The following WWC1 variants were observed in gnomAD, a reference collection of about 807,000 sequenced individuals.
WWC1 encodes the protein protein KIBRA.
In WWC1, 55 loss-of-function variants were observed where a neutral mutation model predicts 138.4. The ratio of observed to expected loss-of-function variants is 0.40; its 90% CI spans 0.32 to 0.50. WWC1 has a LOEUF of 0.50. Ranked by LOEUF, WWC1 falls within the 20% of genes least tolerant of loss-of-function variation. The pLI, the probability that WWC1 is intolerant of heterozygous loss-of-function variation, is 0.72. For synonymous variants in WWC1, 524 were observed against 564.9 expected, an observed-to-expected ratio of 0.93 and a Z score of 1.03; for missense variants, 1,226 against 1,420.4, an observed-to-expected ratio of 0.86 and a Z score of 2.20.
intron 1 of WWC1, among the ~76,000 whole-genome samples, chr5:168,340,277 C>T (rs548332418): frequency 1.1e-4 from 16 of 152,174 alleles, no homozygotes; most frequent in Admixed American, 2.6e-4. Flanking sequence ...AGTTTCCTCA[C>T]GTTGGCCAGG....
intron 20 of WWC1, among the ~76,000 whole-genome samples, chr5:168,462,124 G>T (rs12518302): frequency 0.12 from 18,757 of 152,030 alleles, 1,971 homozygotes; most frequent in East Asian, 0.27. Context: ...AAAAGATAGT[G>T]CCAATAGCCC....
At chr5:168,405,291 A>T (rs1186501058) in intron 5 of WWC1, among the ~76,000 whole-genome samples, 2 of 152,212 alleles carry the variant, frequency 1.3e-5, no homozygotes, top group Non-Finnish European at 2.9e-5. Flanking sequence ...AAGGGACATT[A>T]GGTAATACAT....
chr5:168,443,028 G>T (rs532947375), intron 16 of WWC1, among the ~76,000 whole-genome samples: 1 of 152,066 alleles, frequency 6.6e-6, no homozygotes, highest in East Asian at 1.9e-4. Context: ...AGTGAAGTTA[G>T]TCTTACATAT....
intron 1 of WWC1, among the ~76,000 whole-genome samples, chr5:168,326,691 C>T (rs1052695226): frequency 1.4e-4 from 21 of 151,726 alleles, no homozygotes; most frequent in African/African-American, 4.4e-4. Context: ...ATTACAGGCA[C>T]GCGCCACCAT....
intron 1 of WWC1, among the ~76,000 whole-genome samples, chr5:168,297,250 A>G (rs1769616755): frequency 1.3e-5 from 2 of 152,328 alleles, no homozygotes; most frequent in South Asian, 4.1e-4. Context: ...AGCAGCATCA[A>G]ATGGATGCTG....
At chr5:168,386,543 C>T (rs1468002985) in intron 3 of WWC1, among the ~76,000 whole-genome samples, 1 of 151,900 alleles carries the variant, frequency 6.6e-6, no homozygotes, top group African/African-American at 2.4e-5. Flanking sequence ...CAGGCGCCCG[C>T]CACCACGCCC....
At chr5:168,408,802 T>C (rs998551180) in intron 7 of WWC1, 149 bp downstream of exon 7, 5 of 1,120,134 alleles carry the variant, frequency 4.5e-6, no homozygotes, top group Middle Eastern at 2.7e-4. Flanking sequence ...TCTGGAGCTC[T>C]GTTCTCTTAC....
At chr5:168,317,585 T>A (rs1771717305) in intron 1 of WWC1, among the ~76,000 whole-genome samples, 1 of 152,190 alleles carries the variant, frequency 6.6e-6, no homozygotes, top group Non-Finnish European at 1.5e-5. Flanking sequence ...CAAGGCATCC[T>A]GTCCTATTTC....
intron 9 of WWC1, chr5:168,415,805 G>GTT (rs1780576226): frequency 2.0e-5 from 1 of 50,280 alleles, no homozygotes; most frequent in Admixed American, 2.0e-4. Flanking sequence ...GTGTGGGGGG[G>GTT]GGGGGGGGGC....
At chr5:168,349,155 G>A (rs1049355935) in intron 1 of WWC1, among the ~76,000 whole-genome samples, 1 of 152,098 alleles carries the variant, frequency 6.6e-6, no homozygotes, top group African/African-American at 2.4e-5. Context: ...ACAATGAGAT[G>A]ACCAGACACA....
chr5:168,297,883 G>A (rs562394139), intron 1 of WWC1, among the ~76,000 whole-genome samples: 70 of 152,178 alleles, frequency 4.6e-4, no homozygotes, highest in African/African-American at 1.5e-3. Context: ...TTCATCGTGC[G>A]TCACAATCAT....
At chr5:168,399,628 C>A in intron 5 of WWC1, 61 bp downstream of exon 5, 3 of 1,514,006 alleles carry the variant, frequency 2.0e-6, no homozygotes, top group Non-Finnish European at 2.7e-6. Context: ...CCCCTCCTGT[C>A]CTCTCTGTCT....
At chr5:168,335,037 C>A (rs563616012) in intron 1 of WWC1, among the ~76,000 whole-genome samples, 1 of 151,862 alleles carries the variant, frequency 6.6e-6, no homozygotes, top group African/African-American at 2.4e-5. Context: ...ATTTTTTTCC[C>A]CTCTAAAAAA....
In WWC1 at chr5:168,389,710, C is replaced by A. The variant is rs560132574; in HGVS notation, c.433+4296C>A. 1.9e-4 allele frequency among the ~76,000 whole-genome samples: 29 copies of A among 149,860 alleles called. No homozygotes were observed. In the South Asian group the frequency reaches 2.3e-3, roughly 12 times the overall value. Reference sequence around the variant, plus strand: ...TTCTCTACCGACTGAACCAGTTGGGCAGAAATGTTAATAGTACCTTCATCT... The same window carrying A: ...TTCTCTACCGACTGAACCAGTTGGGAAGAAATGTTAATAGTACCTTCATCT... On this transcript the variant is annotated intron_variant, in intron 3 of 22. Transcript: ENST00000265293.
At chr5:168,456,442 G>A (rs944101453) in intron 19 of WWC1, among the ~76,000 whole-genome samples, 4 of 152,138 alleles carry the variant, frequency 2.6e-5, no homozygotes, top group African/African-American at 9.7e-5. Context: ...AGACCAGCCT[G>A]GCCCACATGG....
chr5:168,466,076 T>C (rs1446676686), intron 21 of WWC1, among the ~76,000 whole-genome samples: 1 of 152,206 alleles, frequency 6.6e-6, no homozygotes, highest in African/African-American at 2.4e-5. Flanking sequence ...GGGTCTCTTA[T>C]AGGCCCAGGG....
chr5:168,361,029 T>C lies in WWC1; in HGVS notation c.120-10395T>C, dbSNP rs780267705. The stretch of plus-strand genomic sequence containing the variant: ...CCAGAGTCCTAAATACAGAAAGGAG[T>C]AGGGCTGCAGGCCTGCCTGGGGTTG... On this transcript the variant is annotated intron_variant, in intron 1 of 22. Transcript: ENST00000265293. Among the ~76,000 whole-genome samples the C allele has an allele frequency of 3.7e-4, 57 of 152,106 alleles. 1 individual carries two copies. Among genetic ancestry groups the C allele is most frequent in the Non-Finnish European group, 6.3e-4 (43 of 67,984 alleles).
intron 1 of WWC1, among the ~76,000 whole-genome samples, chr5:168,313,450 A>G (rs1581891425): frequency 6.6e-6 from 1 of 152,148 alleles, no homozygotes; most frequent in Middle Eastern, 3.4e-3. Context: ...AATTAGCCAG[A>G]CGTGGTGGCG....
At chr5:168,339,950 C>T (rs538861647) in intron 1 of WWC1, among the ~76,000 whole-genome samples, 2,272 of 108,546 alleles carry the variant, frequency 0.021, 82 homozygotes, top group African/African-American at 0.088. Flanking sequence ...TCTCTCTCCC[C>T]CTCTCCCTCT....
Sources: gnomAD v4.1 joint callset for allele counts (sites outside exome capture counted in the v4.1 genomes callset) on GRCh38, gnomAD v4.1.1 for gene constraint, MANE v1.5 for transcripts, NCBI Gene and HGNC (gene_info 2026-07-23, HGNC 2026-07-21) for gene names.